The following MBOAT2 variants were observed in gnomAD, a reference collection of about 807,000 sequenced individuals.
The protein encoded by MBOAT2 is membrane bound glycerophospholipid O-acyltransferase 2.
In MBOAT2, 28 loss-of-function variants were observed where a neutral mutation model predicts 63.4. The observed-to-expected ratio is 0.44, with a 90% confidence interval of 0.33 to 0.61. The LOEUF is 0.61. Among genes scored for constraint, MBOAT2 ranks in the 20% least tolerant of loss-of-function variants. The pLI is 0.03. For missense variants in MBOAT2, 470 were observed against 605.8 expected (o/e 0.78, Z 2.35); for synonymous variants, 211 against 215.6 (o/e 0.98, Z 0.19).
intron 7 of MBOAT2, among the ~76,000 whole-genome samples, chr2:8,875,476 A>G (rs1182175146): frequency 6.6e-6 from 1 of 152,190 alleles, no homozygotes; most frequent in East Asian, 1.9e-4. Context: ...TCACTTTTAT[A>G]ACATTTGATA....
chr2:8,926,539 G>A (rs535921048), intron 3 of MBOAT2, among the ~76,000 whole-genome samples: 2 of 152,302 alleles, frequency 1.3e-5, no homozygotes, highest in South Asian at 2.1e-4. Context: ...GGAACCAAGT[G>A]TTAAACAGTA....
chr2:8,957,406 C>G (rs955660004), intron 2 of MBOAT2, among the ~76,000 whole-genome samples: 1 of 152,204 alleles, frequency 6.6e-6, no homozygotes, highest in African/African-American at 2.4e-5. Context: ...TAACCACTAT[C>G]TACCAGGGCA....
intron 3 of MBOAT2, among the ~76,000 whole-genome samples, chr2:8,912,413 A>AAGAAAGAAAGAAAGAAAGAAAGACAGAC (rs1274023844): frequency 1.5e-5 from 2 of 136,802 alleles, no homozygotes; most frequent in African/African-American, 5.4e-5. Context: ...GAAAGAAAGA[A>AAGAAAGAAAGAAAGAAAGAAAGACAGAC]AGACAGGCCG....
chr2:8,910,257 A>G (rs1665622226), intron 3 of MBOAT2, among the ~76,000 whole-genome samples: 1 of 152,022 alleles, frequency 6.6e-6, no homozygotes, highest in African/African-American at 2.4e-5. Flanking sequence ...CAAGGAACTG[A>G]TCACACACAT....
intron 6 of MBOAT2, among the ~76,000 whole-genome samples, chr2:8,877,615 G>A (rs1189337202): frequency 6.6e-6 from 1 of 152,222 alleles, no homozygotes; most frequent in Non-Finnish European, 1.5e-5. Flanking sequence ...TGCATCCACA[G>A]AGCTTGCATA....
chr2:8,993,322 G>A (rs544252369), intron 1 of MBOAT2, among the ~76,000 whole-genome samples: 1 of 152,294 alleles, frequency 6.6e-6, no homozygotes, highest in African/African-American at 2.4e-5. Context: ...TTACCTAAGA[G>A]AGACCTGCTG....
chr2:8,920,774 C>A (rs1334724832), intron 3 of MBOAT2, among the ~76,000 whole-genome samples: 1 of 152,190 alleles, frequency 6.6e-6, no homozygotes, highest in East Asian at 1.9e-4. Flanking sequence ...CTTTTTGATG[C>A]TGCTGTGAAT....
chr2:8,909,152 G>A lies in MBOAT2; in HGVS notation c.300-436C>T, dbSNP rs570430139. On this transcript the variant is annotated intron_variant, in intron 3 of 12. Coordinates refer to ENST00000305997, the MANE Select transcript of MBOAT2 (RefSeq NM_138799.4). ...CTAAAAGCATACCTTCTAAGTATGA[G>A]TCGGGTGGCATTTACACACATTTCA... Among the ~76,000 whole-genome samples, 26 of 152,280 alleles carry A rather than the reference G, an allele frequency of 1.7e-4. No homozygotes were observed. In the South Asian group the frequency reaches 5.4e-3, roughly 32 times the overall value.
At chr2:8,873,043 A>T in intron 8 of MBOAT2, 65 bp downstream of exon 8, 1 of 1,451,738 alleles carries the variant, frequency 6.9e-7, no homozygotes, top group Non-Finnish European at 9.4e-7. Flanking sequence ...CACTGATAGC[A>T]ATCTATCGAC....
At chr2:8,916,752 AG>A (rs1224184763) in intron 3 of MBOAT2, among the ~76,000 whole-genome samples, 2 of 152,242 alleles carry the variant, frequency 1.3e-5, no homozygotes, top group African/African-American at 2.4e-5. Context: ...ACTGCATAAA[AG>A]GCTTGCACAT....
At chr2:8,997,169 C>T (rs1017240545) in intron 1 of MBOAT2, among the ~76,000 whole-genome samples, 1 of 152,158 alleles carries the variant, frequency 6.6e-6, no homozygotes, top group Non-Finnish European at 1.5e-5. Flanking sequence ...TGCTGAGGGT[C>T]GTATTTATGG....
chr2:8,951,545 A>C (rs975122214), intron 2 of MBOAT2, among the ~76,000 whole-genome samples: 10 of 152,154 alleles, frequency 6.6e-5, no homozygotes, highest in Non-Finnish European at 1.3e-4. Flanking sequence ...TCAGCTGTGA[A>C]TCTATCTGGT....
intron 1 of MBOAT2, among the ~76,000 whole-genome samples, chr2:8,998,277 C>A (rs185479898): frequency 1.3e-5 from 2 of 152,278 alleles, no homozygotes; most frequent in East Asian, 3.9e-4. Flanking sequence ...TTTCAGTGTT[C>A]TCATGATGAA....
chr2:8,877,575 T>C (rs1662789309), intron 6 of MBOAT2, among the ~76,000 whole-genome samples: 2 of 152,216 alleles, frequency 1.3e-5, no homozygotes, highest in South Asian at 4.1e-4. Context: ...AGGGCCTGGA[T>C]ACGGCAGTAA....
intron 1 of MBOAT2, among the ~76,000 whole-genome samples, chr2:8,998,373 G>A (rs1159142240): frequency 6.6e-6 from 1 of 152,168 alleles, no homozygotes; most frequent in Non-Finnish European, 1.5e-5. Flanking sequence ...CATTCAAATG[G>A]CAAGTTGAAA....
chr2:8,884,855 T>G (rs974355265), intron 5 of MBOAT2, among the ~76,000 whole-genome samples: 1 of 152,218 alleles, frequency 6.6e-6, no homozygotes, highest in African/African-American at 2.4e-5. Context: ...GTTCAAAACT[T>G]GGGAACTGGC....
rs757961391 is a variant in MBOAT2 at position 8,908,744 on chromosome 2, T to C, written c.300-28A>G. The C allele has an allele frequency of 1.3e-5, 17 of 1,348,762 alleles. No homozygotes were observed. The East Asian group carries it at 3.5e-4, about 27-fold the overall frequency. 83.5% of individuals were successfully genotyped at this position (1,348,762 alleles called of 1,614,324 possible). The stretch of plus-strand genomic sequence containing the variant: ...GCAAAACAAAAATAAGCTACATTAA[T>C]GAAAATAAGACTCATTTTGTTAAAG... On this transcript the variant is annotated intron_variant, in intron 3 of 12. Transcript: ENST00000305997.
intron 1 of MBOAT2, among the ~76,000 whole-genome samples, chr2:9,000,747 C>T (rs1433184446): frequency 1.3e-5 from 2 of 152,204 alleles, no homozygotes; most frequent in East Asian, 3.9e-4. Context: ...AGGACTTTAC[C>T]GTACACCACT....
At chr2:8,916,704 C>G (rs1047474576) in intron 3 of MBOAT2, among the ~76,000 whole-genome samples, 16 of 152,172 alleles carry the variant, frequency 1.1e-4, no homozygotes, top group Admixed American at 9.8e-4. Flanking sequence ...CGGTTTACTC[C>G]AAGGTTCTCA....
Sources: allele counts gnomAD v4.1 joint callset (sites outside exome capture counted in the v4.1 genomes callset), GRCh38; gene constraint gnomAD v4.1.1; transcripts MANE v1.5; gene names NCBI Gene and HGNC (gene_info 2026-07-23, HGNC 2026-07-21).